The following TICRR variants were observed in gnomAD, a reference collection of about 807,000 sequenced individuals.
TICRR encodes treslin.
A neutral mutation model predicts 178.1 loss-of-function variants in TICRR; 132 were observed. That is an observed-to-expected ratio of 0.74 (90% CI 0.64 to 0.86). The LOEUF is 0.86. Among genes scored for constraint, TICRR ranks in the 40% least tolerant of loss-of-function variants. The pLI, the probability that TICRR is intolerant of heterozygous loss-of-function variation, is 0.00. For synonymous variants in TICRR, 991 were observed against 900.7 expected (o/e 1.10, Z -1.79); for missense variants, 2,587 against 2,334.3 (o/e 1.11, Z -2.23).
At position 89,624,317 on chromosome 15, in the gene TICRR, G is replaced by A. The variant is rs775792077; in HGVS notation, c.4007G>A (p.Gly1336Glu). The change falls in exon 20 of 22, where the codon GGA (glycine) becomes GAA (glutamate). Residue 1336 changes from glycine (G) to glutamate (E), a missense_variant. Physicochemically the swap from Gly to Glu is moderately conservative, Grantham distance 98. Transcript: ENST00000268138. ...TCTAAAATAGAGTGTCCTTCCCCAG[G>A]AGAACTGGATCAGAAAGAGCCCCAG... ...RKSKIECPSP[G>E]ELDQKEPQMS... 2.5e-6 allele frequency: 4 copies of A among 1,614,000 alleles called. No homozygotes were observed. Among genetic ancestry groups the A allele is most frequent in the African/African-American group, 2.7e-5 (2 of 74,890 alleles).
chr15:89,575,949 C>A lies in TICRR; in HGVS notation c.363C>A (p.Pro121=). 1 of 1,600,290 alleles carries A rather than the reference C, an allele frequency of 6.2e-7. No homozygotes were observed. The highest frequency in any genetic ancestry group is 8.5e-7 in the Non-Finnish European group (1 of 1,175,128). ...YQWDRPEITS[P]TKPILRSSGR... The stretch of plus-strand genomic sequence containing the variant: ...GGGACCGGCCCGAGATCACGTCGCC[C>A]ACGAAGCCGATCCTGCGGAGCAGCG... Residue 121 remains proline (P), a synonymous_variant, in exon 1 of 22, where the codon CCC becomes CCA. Coordinates refer to ENST00000268138, the MANE Select transcript of TICRR (RefSeq NM_152259.4).
At position 89,626,990 on chromosome 15, in the gene TICRR, A is replaced by G; in HGVS notation, c.5637A>G (p.Glu1879=). Residue 1879 remains glutamate, a synonymous_variant, in exon 22 of 22, where the codon GAA becomes GAG. Transcript: ENST00000268138. ...EDVDVLPSTV[E]DSPFSRAFSR... ...TGGATGTTCTTCCCTCCACTGTAGA[A>G]GACTCTCCTTTCAGTCGCGCTTTCT... 1 of 1,614,180 alleles carries G rather than the reference A, an allele frequency of 6.2e-7. No individual in the cohort carries two copies.
chr15:89,615,343 A>T (rs1295284495), intron 15 of TICRR, among the ~76,000 whole-genome samples: 2 of 152,044 alleles, frequency 1.3e-5, no homozygotes, highest in African/African-American at 4.8e-5. Flanking sequence ...AGGAGCTCCA[A>T]CCCCATTCTG....
chr15:89,611,114 C>T (rs555910347), intron 15 of TICRR, among the ~76,000 whole-genome samples: 27 of 151,412 alleles, frequency 1.8e-4, no homozygotes, highest in South Asian at 8.3e-4. Context: ...TTACCTTTAC[C>T]GTTGTTTTTT....
intron 1 of TICRR, among the ~76,000 whole-genome samples, chr15:89,577,934 A>G (rs1445615971): frequency 6.6e-6 from 1 of 152,004 alleles, no homozygotes; most frequent in East Asian, 1.9e-4. Context: ...TGAGCAGAGA[A>G]TTGAATGGTG....
At chr15:89,617,272 G>A (rs1207975029) in intron 16 of TICRR, among the ~76,000 whole-genome samples, 1 of 152,180 alleles carries the variant, frequency 6.6e-6, no homozygotes, top group African/African-American at 2.4e-5. Context: ...CACTTGTGAA[G>A]TTTATAGGTT....
chr15:89,597,350 C>T (rs555159878), intron 7 of TICRR, among the ~76,000 whole-genome samples: 8 of 152,016 alleles, frequency 5.3e-5, no homozygotes, highest in African/African-American at 1.9e-4. Context: ...ATGGTGAAAC[C>T]CTGTCTCTAC....
chr15:89,612,745 C>T (rs1963273999), intron 15 of TICRR, among the ~76,000 whole-genome samples: 1 of 152,162 alleles, frequency 6.6e-6, no homozygotes. Context: ...TGTTGCATAA[C>T]CTCACTCCCC....
Position 89,608,596 on chromosome 15 carries a change from T to C in TICRR, c.2723-207T>C, listed in dbSNP as rs1457906332. Reference sequence around the variant, plus strand: ...CCCCTACCTCATGCAAAATAACATATAAAATTTTTTTTAATTTGCAAAAGT... The same window carrying C: ...CCCCTACCTCATGCAAAATAACATACAAAATTTTTTTTAATTTGCAAAAGT... On this transcript the variant is annotated intron_variant, in intron 14 of 21. Transcript: ENST00000268138. Among the ~76,000 whole-genome samples the C allele has an allele frequency of 2.0e-5, 3 of 152,190 alleles. No individual in the cohort carries two copies. In the East Asian group the frequency reaches 5.8e-4, roughly 29 times the overall value.
intron 12 of TICRR, among the ~76,000 whole-genome samples, chr15:89,602,518 T>C (rs1052229803): frequency 2.0e-5 from 3 of 152,176 alleles, no homozygotes; most frequent in Admixed American, 1.3e-4. Flanking sequence ...TCTTCTTTAC[T>C]GTCCACATGA....
chr15:89,599,243 C>G, intron 7 of TICRR, 81 bp from the exon 8 acceptor site: 5 of 1,132,310 alleles, frequency 4.4e-6, no homozygotes, highest in Non-Finnish European at 6.0e-6. Context: ...AATATTTTCC[C>G]CAGTGGACAA....
In TICRR at chr15:89,624,930, A is replaced by G; in HGVS notation, c.4620A>G (p.Leu1540=). 1 of 1,614,078 alleles carries G rather than the reference A, an allele frequency of 6.2e-7. No homozygotes were observed. Among genetic ancestry groups the G allele is most frequent in the Non-Finnish European group, 8.5e-7 (1 of 1,180,032 alleles). ...DGRQCQASAQ[L]DNLPASAWHS... ...GACAGTGCCAGGCTTCGGCACAACT[A>G]GACAACCTGCCAGCATCAGCTTGGC... Residue 1540 remains leucine (L), a synonymous_variant, in exon 20 of 22, where the codon CTA becomes CTG. Coordinates refer to ENST00000268138, the MANE Select transcript of TICRR (RefSeq NM_152259.4).
Position 89,601,377 on chromosome 15 carries a change from C to A in TICRR, c.2233C>A (p.Gln745Lys), listed in dbSNP as rs201955272. ...AAATGAAAGTACAGATGATATGGAA[C>A]AAGTAGTGGAGGAGGCAAGTATATA... is the stretch of plus-strand genomic sequence containing the variant. ...SINESTDDMEQVVEEVTDLLR... is the reference protein window; with the variant it reads ...SINESTDDMEKVVEEVTDLLR... The change falls in exon 10 of 22, where the codon CAA becomes AAA. Residue 745 changes from glutamine (Q) to lysine (K), a missense_variant. Gln to Lys is a moderately conservative substitution (Grantham distance 53). Coordinates refer to ENST00000268138, the MANE Select transcript of TICRR (RefSeq NM_152259.4). 7.4e-6 allele frequency: 12 copies of A among 1,614,040 alleles called. No individual in the cohort carries two copies. The South Asian group carries it at 1.2e-4, about 16-fold the overall frequency.
chr15:89,582,852 C>G lies in TICRR; in HGVS notation c.821C>G (p.Pro274Arg), dbSNP rs370507188. 20 of 1,614,176 alleles carry G rather than the reference C, an allele frequency of 1.2e-5. No homozygotes were observed. Among genetic ancestry groups the G allele is most frequent in the Non-Finnish European group, 1.7e-5 (20 of 1,180,030 alleles). The change falls in exon 2 of 22, where the codon CCG (proline) becomes CGG (arginine). Residue 274 changes from proline (P) to arginine (R), a missense_variant. Pro to Arg is a moderately radical substitution (Grantham distance 103). Transcript: ENST00000268138. ...IKLSSEPHLSPWISMLPTDAT... is the reference protein window; with the variant it reads ...IKLSSEPHLSRWISMLPTDAT... ...CTGTCAAGTGAACCTCATCTTTCTC[C>G]GTGGATTTCAATGCTGCCAACTGAT... is the stretch of plus-strand genomic sequence containing the variant.
chr15:89,594,386 G>A (rs1962961328), intron 5 of TICRR, 29 bp from the exon 6 acceptor site: 1 of 1,566,246 alleles, frequency 6.4e-7, no homozygotes, highest in Non-Finnish European at 8.7e-7. Context: ...TAGAATGTTG[G>A]TTTTATTCTA....
rs1962607928 is a variant in TICRR, at chr15:89,576,053, T to A, written c.467T>A (p.Leu156His). 1 of 1,611,260 alleles carries A rather than the reference T, an allele frequency of 6.2e-7. No individual in the cohort carries two copies. Among genetic ancestry groups the A allele is most frequent in the Non-Finnish European group, 8.5e-7 (1 of 1,179,530 alleles). The change falls in exon 1 of 22, where the codon CTC (leucine) becomes CAC (histidine). Residue 156 changes from leucine to histidine, a missense_variant. Coordinates refer to ENST00000268138, the MANE Select transcript of TICRR (RefSeq NM_152259.4). ...ALGGLVNAVF[L>H]LAPCPHSQRE... is the part of the protein sequence containing the mutation. The stretch of plus-strand genomic sequence containing the variant: ...GGGGGCTTGGTGAACGCCGTCTTCC[T>A]CCTGGCCCCCTGTCCGCACTCGCAG...
Position 89,616,482 on chromosome 15 carries a change from C to G in TICRR, c.2947C>G (p.Gln983Glu). ...KQISKRLLHR[Q>E]IKGRSSDPGP... ...GATCTCCAAAAGGCTGCTGCACAGA[C>G]AAATCAAGGGCAGGTGAGTGACATC... The change falls in exon 16 of 22, where the codon CAA becomes GAA. Residue 983 changes from glutamine to glutamate, a missense_variant. Gln to Glu is a conservative substitution (Grantham distance 29). Transcript: ENST00000268138. 6.2e-7 allele frequency: 1 copy of G among 1,613,916 alleles called. No individual in the cohort carries two copies. Among genetic ancestry groups the G allele is most frequent in the South Asian group, 1.1e-5 (1 of 91,038 alleles).
Position 89,601,775 on chromosome 15 carries a change from A to C in TICRR, c.2366A>C (p.Tyr789Ser). The C allele has an allele frequency of 6.2e-7, 1 of 1,614,178 alleles. No homozygotes were observed. Among genetic ancestry groups the C allele is most frequent in the South Asian group, 1.1e-5 (1 of 91,084 alleles). ...DSIPKTLGNL[Y>S]NSLGFVIPQK... is the part of the protein sequence containing the mutation. ...ATCCCAAAGACACTTGGAAATCTTT[A>C]CAACAGCCTAGGGTTTGTGATTCCT... The change falls in exon 12 of 22, where the codon TAC (tyrosine) becomes TCC (serine). Residue 789 changes from tyrosine (Y) to serine (S), a missense_variant. Tyr to Ser is a moderately radical substitution (Grantham distance 144, BLOSUM62 -2). Transcript: ENST00000268138.
At chr15:89,605,875 A>G (rs1193468931) in intron 13 of TICRR, among the ~76,000 whole-genome samples, 1 of 152,172 alleles carries the variant, frequency 6.6e-6, no homozygotes, top group Non-Finnish European at 1.5e-5. Context: ...CCTTGTTTTG[A>G]TGCATCTGGG....
Sources: allele counts gnomAD v4.1 joint callset (sites outside exome capture counted in the v4.1 genomes callset), GRCh38; gene constraint gnomAD v4.1.1; transcripts MANE v1.5; gene names NCBI Gene and HGNC (gene_info 2026-07-23, HGNC 2026-07-21).